SLC9A2: variants seen among roughly 807,000 people sequenced by gnomAD.
SLC9A2 encodes the protein sodium/hydrogen exchanger 2.
SLC9A2 carries 42 observed loss-of-function variants against 71.7 expected under a neutral mutation model. The observed-to-expected ratio is 0.59, with a 90% CI of 0.46 to 0.76. The LOEUF is 0.76. SLC9A2 is among the 30% of genes least tolerant of loss of function. SLC9A2 has a pLI of 0.00. For synonymous variants in SLC9A2, 396 were observed against 392.5 expected (o/e 1.01, Z -0.10); for missense variants, 829 against 1,017.4 (o/e 0.81, Z 2.52).
At position 102,709,732 on chromosome 2, in the gene SLC9A2, A is replaced by G. The variant is rs1219853160; in HGVS notation, c.*1243A>G. On this transcript the variant is annotated 3_prime_UTR_variant, in exon 12 of 12. Transcript: ENST00000233969. ...TTAAAAGTACAGCAGAAAGAAAAGAAGTGGAACATAAGCATTCAAGATTAA... is the reference window on the plus strand; with the variant it reads ...TTAAAAGTACAGCAGAAAGAAAAGAGGTGGAACATAAGCATTCAAGATTAA... The G allele has an allele frequency of 1.3e-5, 2 of 152,788 alleles. No homozygotes were observed. The highest frequency in any genetic ancestry group is 4.8e-5 in the African/African-American group (2 of 41,452). The allele number at this position is 152,788 out of a possible 1,614,324, so 9.5% of individuals were successfully genotyped here.
rs146240125 is a variant in SLC9A2, at chr2:102,669,904, T to C, written c.1004+4554T>C. On this transcript the variant is annotated intron_variant, in intron 3 of 11. Coordinates refer to ENST00000233969, the MANE Select transcript of SLC9A2 (RefSeq NM_003048.6). ...CCCCTGGGCTCTAATAAGTGGGACA[T>C]TGGAAACACACATTGACCTGAAGGG... Among the ~76,000 whole-genome samples, 204 of 152,272 alleles carry C rather than the reference T, an allele frequency of 1.3e-3. 2 individuals carry two copies. The highest frequency in any genetic ancestry group is 4.3e-3 in the African/African-American group (180 of 41,562).
At chr2:102,696,650 G>A (rs1448051093) in intron 7 of SLC9A2, among the ~76,000 whole-genome samples, 2 of 152,154 alleles carry the variant, frequency 1.3e-5, no homozygotes, top group African/African-American at 4.8e-5. Context: ...AATATAATGA[G>A]TGACAAAGAC....
intron 3 of SLC9A2, among the ~76,000 whole-genome samples, chr2:102,675,021 G>A (rs757307301): frequency 1.8e-4 from 28 of 152,326 alleles, no homozygotes; most frequent in South Asian, 4.1e-4. Flanking sequence ...GGGGTTTGGA[G>A]AACTGTCATG....
intron 6 of SLC9A2, 47 bp from the exon 7 acceptor site, chr2:102,694,996 T>G: frequency 6.7e-7 from 1 of 1,497,168 alleles, no homozygotes; most frequent in South Asian, 1.1e-5. Flanking sequence ...TGAAAATTAT[T>G]GATTTCAGGT....
At chr2:102,625,297 G>A (rs1014332413) in intron 1 of SLC9A2, among the ~76,000 whole-genome samples, 6 of 151,982 alleles carry the variant, frequency 3.9e-5, no homozygotes, top group African/African-American at 7.3e-5. Context: ...AAGTGTTTTT[G>A]TACCCTTTAA....
At chr2:102,691,518 C>G (rs1677661640) in intron 5 of SLC9A2, among the ~76,000 whole-genome samples, 1 of 152,038 alleles carries the variant, frequency 6.6e-6, no homozygotes, top group Non-Finnish European at 1.5e-5. Flanking sequence ...TATACTCTGC[C>G]TGCAAAATAG....
At chr2:102,631,451 T>C (rs759230736) in intron 1 of SLC9A2, among the ~76,000 whole-genome samples, 3 of 152,096 alleles carry the variant, frequency 2.0e-5, no homozygotes, top group African/African-American at 4.8e-5. Context: ...GTCACGCATC[T>C]GTGTCAGGAG....
intron 1 of SLC9A2, among the ~76,000 whole-genome samples, chr2:102,650,475 G>A (rs1465220534): frequency 9.9e-5 from 15 of 151,826 alleles, no homozygotes; most frequent in African/African-American, 2.7e-4. Flanking sequence ...CATGTATCCC[G>A]GAAATTAAAG....
At chr2:102,648,011 A>T (rs1203841623) in intron 1 of SLC9A2, among the ~76,000 whole-genome samples, 1 of 152,226 alleles carries the variant, frequency 6.6e-6, no homozygotes, top group East Asian at 1.9e-4. Context: ...CATCACTCTG[A>T]TACCAAAACC....
intron 5 of SLC9A2, among the ~76,000 whole-genome samples, chr2:102,692,982 A>C (rs749230967): frequency 6.6e-6 from 1 of 151,792 alleles, no homozygotes; most frequent in African/African-American, 2.4e-5. Context: ...ATCTATATAG[A>C]ATACTAGTGT....
intron 1 of SLC9A2, among the ~76,000 whole-genome samples, 158 bp downstream of exon 1, chr2:102,620,295 C>G (rs144698281): frequency 3.3e-5 from 5 of 152,244 alleles, no homozygotes; most frequent in East Asian, 1.9e-4. Flanking sequence ...TGAAAAGGAC[C>G]CTTGGAAGAG....
intron 1 of SLC9A2, among the ~76,000 whole-genome samples, chr2:102,622,123 G>A (rs756217852): frequency 6.6e-5 from 10 of 152,184 alleles, no homozygotes; most frequent in Non-Finnish European, 8.8e-5. Context: ...CTGAGAGATG[G>A]TATAAGGGAG....
intron 5 of SLC9A2, among the ~76,000 whole-genome samples, chr2:102,692,055 T>C (rs1677674259): frequency 6.6e-6 from 1 of 152,258 alleles, no homozygotes; most frequent in Non-Finnish European, 1.5e-5. Context: ...TCATGGAATC[T>C]GGAACTTAGT....
chr2:102,682,781 G>T (rs1388440492), intron 3 of SLC9A2, among the ~76,000 whole-genome samples: 1 of 152,290 alleles, frequency 6.6e-6, no homozygotes, highest in South Asian at 2.1e-4. Context: ...TGGCAGGGGG[G>T]CTACTAAGAT....
chr2:102,634,745 GA>G (rs1305487219), intron 1 of SLC9A2, among the ~76,000 whole-genome samples: 3 of 152,096 alleles, frequency 2.0e-5, no homozygotes, highest in Non-Finnish European at 4.4e-5. Context: ...TGTTTGCAAT[GA>G]AAAAGAAAGG....
At chr2:102,689,413 G>A (rs1677616799) in intron 5 of SLC9A2, among the ~76,000 whole-genome samples, 1 of 152,132 alleles carries the variant, frequency 6.6e-6, no homozygotes, top group Middle Eastern at 3.2e-3. Context: ...GGTGCTTAGG[G>A]CCCATGGTGG....
intron 3 of SLC9A2, among the ~76,000 whole-genome samples, chr2:102,667,189 T>C (rs1677157973): frequency 6.6e-6 from 1 of 152,230 alleles, no homozygotes; most frequent in Non-Finnish European, 1.5e-5. Context: ...CATGTCTTTC[T>C]GGTTGCTATT....
At chr2:102,683,576 TATGTCTGCTTAA>T in intron 4 of SLC9A2, 98 bp downstream of exon 4, 1 of 885,632 alleles carries the variant, frequency 1.1e-6, no homozygotes, top group South Asian at 1.7e-5. Flanking sequence ...TGGATTCTTT[TATGTCTGCTTAA>T]TTTCTTCTTC....
At position 102,709,441 on chromosome 2, in the gene SLC9A2, G is replaced by T. The variant is rs1261344213; in HGVS notation, c.*952G>T. 2 of 152,414 alleles carry T rather than the reference G, an allele frequency of 1.3e-5. No homozygotes were observed. The highest frequency in any genetic ancestry group is 2.9e-5 in the Non-Finnish European group (2 of 68,040). The allele number at this position is 152,414 out of a possible 1,614,324, so 9.4% of individuals were successfully genotyped here. A position where few individuals can be genotyped will look rare whatever the true frequency, so the allele number is the denominator to read the frequency against. On this transcript the variant is annotated 3_prime_UTR_variant, in exon 12 of 12. Coordinates refer to ENST00000233969, the MANE Select transcript of SLC9A2 (RefSeq NM_003048.6). ...TGATCTATGATCACCTGCTTCAGTA[G>T]AATTTTTCTGTAGAGTGTTGTTTGA...
Sources: gnomAD v4.1 joint callset for allele counts (sites outside exome capture counted in the v4.1 genomes callset) on GRCh38, gnomAD v4.1.1 for gene constraint, MANE v1.5 for transcripts, NCBI Gene and HGNC (gene_info 2026-07-23, HGNC 2026-07-21) for gene names.